The following SLC27A5 variants were observed in gnomAD, a reference collection of about 807,000 sequenced individuals.
SLC27A5 encodes long-chain fatty acid transport protein 5.
Under a neutral mutation model 63.1 loss-of-function variants are expected in SLC27A5, and 47 were observed. The ratio of observed to expected loss-of-function variants is 0.74; its 90% CI spans 0.59 to 0.95. SLC27A5 has a LOEUF of 0.95. SLC27A5 is among the 40% of genes least tolerant of loss of function. The pLI is 0.00. For missense variants in SLC27A5, 940 were observed against 921.0 expected (o/e 1.02, Z -0.27); for synonymous variants, 391 against 403.8 (o/e 0.97, Z 0.38).
Position 58,509,979 on chromosome 19 carries a change from G to A in SLC27A5, c.925C>T (p.His309Tyr). ...TGLPKPAILT[H>Y]ERVLQMSKML... ...TTGCTCATCTGCAGTACCCGCTCAT[G>A]CGTGAGGATGGCTGGCTTCGGGAGG... is the stretch of plus-strand genomic sequence containing the variant. Residue 309 changes from histidine (H) to tyrosine (Y), a missense_variant, in exon 3 of 10, where the codon CAT (histidine) becomes TAT (tyrosine). His to Tyr is a moderately conservative substitution (Grantham distance 83). Coordinates refer to ENST00000263093, the MANE Select transcript of SLC27A5 (RefSeq NM_012254.3). 4 of 1,613,944 alleles carry A rather than the reference G, an allele frequency of 2.5e-6. No individual in the cohort carries two copies. The highest frequency in any genetic ancestry group is 3.4e-6 in the Non-Finnish European group (4 of 1,179,964).
At chr19:58,510,316 G>A (rs551404881) in intron 2 of SLC27A5, 5 of 372,406 alleles carry the variant, frequency 1.3e-5, no homozygotes, top group Admixed American at 1.3e-4. Flanking sequence ...GCTCACGCCT[G>A]TAATCCCAGC....
chr19:58,510,700 A>G, intron 2 of SLC27A5, 21 bp downstream of exon 2: 2 of 1,572,126 alleles, frequency 1.3e-6, no homozygotes, highest in African/African-American at 1.3e-5. Flanking sequence ...GGCTGGTGCT[A>G]GGGCTAATGG....
intron 2 of SLC27A5, 133 bp downstream of exon 2, chr19:58,510,588 C>T (rs374593011): frequency 9.5e-6 from 8 of 843,102 alleles, no homozygotes; most frequent in African/African-American, 3.5e-5. Context: ...AAAAAAACAG[C>T]CAAACAAAAA....
At chr19:58,499,463 G>A in intron 7 of SLC27A5, 29 bp downstream of exon 7, 1 of 1,609,432 alleles carries the variant, frequency 6.2e-7, no homozygotes, top group Non-Finnish European at 8.5e-7. Flanking sequence ...CCCCGCGCCA[G>A]CCCCGCCCCG....
In SLC27A5 at chr19:58,499,598, G is replaced by A. The variant is rs1315220611; in HGVS notation, c.1561C>T (p.Arg521Cys). Residue 521 changes from arginine to cysteine, a missense_variant, in exon 7 of 10, where the codon CGC becomes TGC. Physicochemically the swap from Arg to Cys is radical, Grantham distance 180 (BLOSUM62 -3). Transcript: ENST00000263093. ...ACGTCGCCCGATTGCCGCACGTTGC[G>A]CACCAGCTTCCGTTCCGACAGCTCT... is the stretch of plus-strand genomic sequence containing the variant. ...PRELSERKLV[R>C]NVRQSGDVYY... is the part of the protein sequence containing the mutation. The A allele has an allele frequency of 6.2e-7, 1 of 1,612,908 alleles. No individual in the cohort carries two copies.
chr19:58,499,028 T>C lies in SLC27A5; in HGVS notation c.1765+95A>G. The C allele has an allele frequency of 1.9e-6, 3 of 1,596,426 alleles. No individual in the cohort carries two copies. The South Asian group carries it at 3.3e-5, about 18-fold the overall frequency. On this transcript the variant is annotated intron_variant, in intron 8 of 9. Transcript: ENST00000263093. ...GTGAGAGCCAGCAAGTCTCTAAACC[T>C]CTCTGGGCCCTAGCACTTCCCCACC...
Position 58,498,551 on chromosome 19 carries a change from C to T in SLC27A5, c.2037G>A (p.Met679Ile), listed in dbSNP as rs1171117816. The T allele has an allele frequency of 3.7e-6, 6 of 1,613,812 alleles. No individual in the cohort carries two copies. Among genetic ancestry groups the T allele is most frequent in the African/African-American group, 2.7e-5 (2 of 74,918 alleles). Residue 679 changes from methionine to isoleucine, a missense_variant, in exon 10 of 10, where the codon ATG becomes ATA. Coordinates refer to ENST00000263093, the MANE Select transcript of SLC27A5 (RefSeq NM_012254.3). ...AQSFRPLTAE[M>I]YQAVCEGTWR... Reference sequence around the variant, plus strand: ...AGGTTCCCTCACACACAGCCTGGTACATTTCTGCCGTCAGGGGCCGGAAGG... The same window carrying T: ...AGGTTCCCTCACACACAGCCTGGTATATTTCTGCCGTCAGGGGCCGGAAGG...
chr19:58,498,418 G>A lies in SLC27A5; in HGVS notation c.*97C>T. 7.7e-7 allele frequency: 1 copy of A among 1,290,652 alleles called. No individual in the cohort carries two copies. The highest frequency in any genetic ancestry group is 1.1e-6 in the Non-Finnish European group (1 of 946,616). The allele number at this position is 1,290,652 out of a possible 1,614,324, so 79.9% of individuals were successfully genotyped here. On this transcript the variant is annotated 3_prime_UTR_variant, in exon 10 of 10. Coordinates refer to ENST00000263093, the MANE Select transcript of SLC27A5 (RefSeq NM_012254.3). ...CCACTGAGGTTGAGGGTATGGCCAG[G>A]CTGGGATTCACACAGGCCCAGGATG... is the stretch of plus-strand genomic sequence containing the variant.
In SLC27A5 at chr19:58,498,802, G is replaced by C. The variant is rs760704108; in HGVS notation, c.1879C>G (p.His627Asp). 1.2e-6 allele frequency: 2 copies of C among 1,613,700 alleles called. No homozygotes were observed. Among genetic ancestry groups the C allele is most frequent in the South Asian group, 1.1e-5 (1 of 91,068 alleles). The change falls in exon 9 of 10, where the codon CAT (histidine) becomes GAT (aspartate). Residue 627 changes from histidine to aspartate, a missense_variant. Transcript: ENST00000263093. ...RAWLPAYATP[H>D]FIRIQDAMEV... is the part of the protein sequence containing the mutation. ...GGGCTCACCTGGATGCGGATGAAAT[G>C]GGGGGTAGCGTAGGCAGGGAGCCAA...
chr19:58,511,491 C>G lies in SLC27A5; in HGVS notation c.465G>C (p.Ala155=). 6.3e-7 allele frequency: 1 copy of G among 1,575,722 alleles called. No homozygotes were observed. The highest frequency in any genetic ancestry group is 8.6e-7 in the Non-Finnish European group (1 of 1,160,940). The change falls in exon 1 of 10, where the codon GCG becomes GCC. Residue 155 remains alanine, a synonymous_variant. Transcript: ENST00000263093. ...CCAGCTCAGCCTTCAGGGCCCATGC[C>G]GCCTGGCAGGCCCGGGCATCCAGCT... The part of the protein sequence containing the change: ...FGELDARACQ[A]AWALKAELGD...
rs1208439730 is a variant in SLC27A5, at chr19:58,510,717, T to C, written c.898+4A>G. ...CTGGTGCTAGGGCTAATGGGCACCC[T>C]CACCAGTGGTCCCCGAGGTATAGAT... On this transcript the variant is annotated splice_donor_region_variant and intron_variant, in intron 2 of 9. Transcript: ENST00000263093. 3 of 1,596,228 alleles carry C rather than the reference T, an allele frequency of 1.9e-6. No homozygotes were observed. Among genetic ancestry groups the C allele is most frequent in the Non-Finnish European group, 2.6e-6 (3 of 1,169,076 alleles).
At chr19:58,510,265 A>T (rs1474503070) in intron 2 of SLC27A5, 2 of 450,050 alleles carry the variant, frequency 4.4e-6, no homozygotes, top group Non-Finnish European at 7.9e-6. Context: ...ATTGGGGGTC[A>T]GAGTTCAGGC....
Position 58,499,192 on chromosome 19 carries a change from C to A in SLC27A5, c.1696G>T (p.Glu566Ter), listed in dbSNP as rs1189055667. ...ACCTGCGACAACACGCCCTCCACCT[C>A]GTGCGTGGACACGTTCTCGCCCTTC... Reference protein sequence around the residue: ...RWKGENVSTHEVEGVLSQVDF... With the variant: ...RWKGENVSTH The change falls in exon 8 of 10, where the codon GAG becomes TAG. Residue 566 changes from glutamate to a stop codon, truncating the protein, a stop_gained. Transcript: ENST00000263093. LOFTEE classifies it high-confidence loss of function. 6.2e-7 allele frequency: 1 copy of A among 1,613,954 alleles called. No individual in the cohort carries two copies. The highest frequency in any genetic ancestry group is 1.6e-4 in the Middle Eastern group (1 of 6,062).
At chr19:58,509,630 T>G (rs1245726763) in intron 3 of SLC27A5, 4 of 473,106 alleles carry the variant, frequency 8.5e-6, no homozygotes, top group Non-Finnish European at 1.5e-5. Flanking sequence ...TCGTATCAGG[T>G]CTTGTCACCT....
Position 58,499,214 on chromosome 19 carries a change from C to T in SLC27A5, c.1674G>A (p.Lys558=), listed in dbSNP as rs753663188. ...CCTCGTGCGTGGACACGTTCTCGCC[C>T]TTCCATCTGCAAGGAGGGAGCCGGC... ...RDRLGDTFRW[K]GENVSTHEVE... The change falls in exon 8 of 10, where the codon AAG becomes AAA. Residue 558 remains lysine, a synonymous_variant. Coordinates refer to ENST00000263093, the MANE Select transcript of SLC27A5 (RefSeq NM_012254.3). 74 of 1,613,612 alleles carry T rather than the reference C, an allele frequency of 4.6e-5. No homozygotes were observed. The highest frequency in any genetic ancestry group is 6.0e-5 in the Non-Finnish European group (71 of 1,179,976).
chr19:58,505,569 C>G (rs143428105), intron 3 of SLC27A5, among the ~76,000 whole-genome samples: 1 of 151,496 alleles, frequency 6.6e-6, no homozygotes, highest in African/African-American at 2.4e-5. Flanking sequence ...TTTGGCCGGG[C>G]GCAGTGGCTC....
chr19:58,502,923 G>A (rs910091158), intron 3 of SLC27A5, among the ~76,000 whole-genome samples: 3 of 152,148 alleles, frequency 2.0e-5, no homozygotes, highest in African/African-American at 7.2e-5. Context: ...AGATGGATAG[G>A]TGGCTGGGTG....
In SLC27A5 at chr19:58,511,692, C is replaced by A; in HGVS notation, c.264G>T (p.Pro88=). 6.4e-7 allele frequency: 1 copy of A among 1,568,732 alleles called. No individual in the cohort carries two copies. ...TCTTGGCCAAGAAGATCACATCAGC[C>A]GGCAGCCAGCGTAGTCCTGGGGGCA... The part of the protein sequence containing the change: ...ARLPPGLRWL[P]ADVIFLAKIL... Residue 88 remains proline (P), a synonymous_variant, in exon 1 of 10, where the codon CCG becomes CCT. Coordinates refer to ENST00000263093, the MANE Select transcript of SLC27A5 (RefSeq NM_012254.3).
At position 58,498,873 on chromosome 19, in the gene SLC27A5, G is replaced by A; in HGVS notation, c.1808C>T (p.Pro603Leu). Reference protein sequence around the residue: ...KVGMAAVQLAPGQTFDGEKLY... With the variant: ...KVGMAAVQLALGQTFDGEKLY... ...CTTCTCCCCGTCGAAAGTCTGGCCG[G>A]GGGCTAGCTGCACAGCAGCCATGCC... is the stretch of plus-strand genomic sequence containing the variant. Residue 603 changes from proline (P) to leucine (L), a missense_variant, in exon 9 of 10, where the codon CCC becomes CTC. Pro to Leu is a moderately conservative substitution (Grantham distance 98, BLOSUM62 -3). Coordinates refer to ENST00000263093, the MANE Select transcript of SLC27A5 (RefSeq NM_012254.3). 1 of 1,613,698 alleles carries A rather than the reference G, an allele frequency of 6.2e-7. No individual in the cohort carries two copies. The highest frequency in any genetic ancestry group is 1.1e-5 in the South Asian group (1 of 91,082).
Sources: allele counts gnomAD v4.1 joint callset (sites outside exome capture counted in the v4.1 genomes callset), GRCh38; gene constraint gnomAD v4.1.1; transcripts MANE v1.5; gene names NCBI Gene and HGNC (gene_info 2026-07-23, HGNC 2026-07-21).